The following EPHB1 variants were observed in gnomAD, a reference collection of about 807,000 sequenced individuals.
The protein encoded by EPHB1 is EPH receptor B1.
In EPHB1, 30 loss-of-function variants were observed where a neutral mutation model predicts 94.4. The ratio of observed to expected loss-of-function variants is 0.32; its 90% CI spans 0.24 to 0.43. The LOEUF is 0.43. Ranked by LOEUF, EPHB1 falls within the 20% of genes least tolerant of loss-of-function variation. EPHB1 has a pLI of 1.00. For synonymous variants in EPHB1, 522 were observed against 489.1 expected, an observed-to-expected ratio of 1.07 and a Z score of -0.89; for missense variants, 1,055 against 1,308.3, an observed-to-expected ratio of 0.81 and a Z score of 2.99.
chr3:134,804,651 T>C (rs2036002627), intron 1 of EPHB1, among the ~76,000 whole-genome samples: 1 of 152,188 alleles, frequency 6.6e-6, no homozygotes, highest in African/African-American at 2.4e-5. Flanking sequence ...CTTTTTGTCT[T>C]TGGGCACTTC....
At chr3:135,052,459 G>A (rs544945668) in intron 3 of EPHB1, among the ~76,000 whole-genome samples, 3 of 152,166 alleles carry the variant, frequency 2.0e-5, no homozygotes, top group Admixed American at 2.0e-4. Flanking sequence ...TGTGGAAGAG[G>A]GAAGCTGCTT....
At chr3:135,076,479 C>T (rs1341415992) in intron 3 of EPHB1, among the ~76,000 whole-genome samples, 2 of 152,064 alleles carry the variant, frequency 1.3e-5, no homozygotes, top group African/African-American at 4.8e-5. Flanking sequence ...AAATGGAAGT[C>T]TTATACAATA....
Position 135,061,693 on chromosome 3 carries a change from C to A in EPHB1, c.806-44755C>A, listed in dbSNP as rs185474109. ...ACATGTTCCATGTGGGTGTGCTGCA[C>A]CCATTAACTTGTCATTTAACATTAG... is the stretch of plus-strand genomic sequence containing the variant. On this transcript the variant is annotated intron_variant, in intron 3 of 15. Coordinates refer to ENST00000398015, the MANE Select transcript of EPHB1 (RefSeq NM_004441.5). Among the ~76,000 whole-genome samples the A allele has an allele frequency of 8.6e-5, 13 of 152,028 alleles. No homozygotes were observed. In the East Asian group the frequency reaches 2.5e-3, roughly 29 times the overall value.
At chr3:134,932,784 G>A (rs2038930452) in intron 2 of EPHB1, among the ~76,000 whole-genome samples, 1 of 152,190 alleles carries the variant, frequency 6.6e-6, no homozygotes, top group Non-Finnish European at 1.5e-5. Context: ...AAAAGCCTGA[G>A]CTAGATTAGA....
At chr3:135,149,747 G>T (rs1941133444) in intron 5 of EPHB1, among the ~76,000 whole-genome samples, 1 of 152,196 alleles carries the variant, frequency 6.6e-6, no homozygotes. Context: ...AGAATGACCT[G>T]TGTGAGAATA....
chr3:135,173,904 A>G (rs1298619447), intron 9 of EPHB1, among the ~76,000 whole-genome samples: 1 of 152,204 alleles, frequency 6.6e-6, no homozygotes, highest in Non-Finnish European at 1.5e-5. Context: ...ATGTGATTCT[A>G]GAGGTCTTGG....
intron 1 of EPHB1, among the ~76,000 whole-genome samples, chr3:134,800,581 G>A (rs565879531): frequency 6.6e-6 from 1 of 152,280 alleles, no homozygotes; most frequent in Non-Finnish European, 1.5e-5. Flanking sequence ...TTTTAAGTGG[G>A]CTTTCCTGGA....
At chr3:134,977,237 T>C (rs1934226074) in intron 3 of EPHB1, among the ~76,000 whole-genome samples, 1 of 152,166 alleles carries the variant, frequency 6.6e-6, no homozygotes, top group Admixed American at 6.5e-5. Context: ...GCCTGGGATG[T>C]GAAGGAGAAT....
chr3:135,242,081 C>T (rs566961804), intron 13 of EPHB1, among the ~76,000 whole-genome samples: 3 of 152,256 alleles, frequency 2.0e-5, no homozygotes, highest in East Asian at 1.9e-4. Flanking sequence ...AAGCCTTTTT[C>T]GGATGATTTG....
intron 13 of EPHB1, among the ~76,000 whole-genome samples, chr3:135,246,738 C>A (rs931418691): frequency 6.6e-6 from 1 of 152,100 alleles, no homozygotes; most frequent in Non-Finnish European, 1.5e-5. Context: ...ATTGTCAGTG[C>A]AACACAGTGT....
chr3:134,886,351 T>A lies in EPHB1; in HGVS notation c.59-39465T>A, dbSNP rs554396224. On this transcript the variant is annotated intron_variant, in intron 1 of 15. Transcript: ENST00000398015. ...CTCTACGTGCTTGACAGGAAGTAACTGATTTCTTCTTACAACAAACCCAGA... is the reference window on the plus strand; with the variant it reads ...CTCTACGTGCTTGACAGGAAGTAACAGATTTCTTCTTACAACAAACCCAGA... Among the ~76,000 whole-genome samples, 14 of 152,360 alleles carry A rather than the reference T, an allele frequency of 9.2e-5. 1 individual carries two copies. Among genetic ancestry groups the A allele is most frequent in the African/African-American group, 3.1e-4 (13 of 41,584 alleles).
intron 1 of EPHB1, among the ~76,000 whole-genome samples, chr3:134,879,691 A>C (rs1342861921): frequency 6.6e-6 from 1 of 152,010 alleles, no homozygotes; most frequent in Non-Finnish European, 1.5e-5. Flanking sequence ...CAATGGAGGA[A>C]ATTGGTCCTG....
At chr3:134,882,469 T>C (rs978124208) in intron 1 of EPHB1, among the ~76,000 whole-genome samples, 7 of 152,194 alleles carry the variant, frequency 4.6e-5, no homozygotes, top group African/African-American at 1.4e-4. Context: ...GAATGATTCA[T>C]TGTATATAAA....
chr3:134,942,812 T>C (rs1488722999), intron 2 of EPHB1, among the ~76,000 whole-genome samples: 1 of 152,186 alleles, frequency 6.6e-6, no homozygotes, highest in African/African-American at 2.4e-5. Context: ...ATGCATGGAA[T>C]TATTTTTCTT....
chr3:135,116,515 A>G (rs1237690122), intron 4 of EPHB1, among the ~76,000 whole-genome samples: 2 of 152,086 alleles, frequency 1.3e-5, no homozygotes, highest in African/African-American at 4.8e-5. Flanking sequence ...TCACAGTGGG[A>G]TCTGAGCTGT....
At chr3:135,238,052 T>C (rs1159344954) in intron 12 of EPHB1, among the ~76,000 whole-genome samples, 2 of 152,248 alleles carry the variant, frequency 1.3e-5, no homozygotes, top group African/African-American at 4.8e-5. Context: ...TTGATGATAT[T>C]AATTATGTCA....
chr3:135,133,624 T>C (rs1279240452), intron 5 of EPHB1, among the ~76,000 whole-genome samples: 3 of 152,212 alleles, frequency 2.0e-5, no homozygotes, highest in Non-Finnish European at 4.4e-5. Flanking sequence ...AAGTGTATTC[T>C]CCTTTATAGC....
intron 1 of EPHB1, among the ~76,000 whole-genome samples, chr3:134,850,419 G>T (rs1310427794): frequency 6.6e-6 from 1 of 152,176 alleles, no homozygotes; most frequent in African/African-American, 2.4e-5. Flanking sequence ...CTGACCTCTG[G>T]CTGGGTGAGA....
intron 1 of EPHB1, among the ~76,000 whole-genome samples, chr3:134,804,505 G>C (rs1187106901): frequency 6.6e-6 from 1 of 152,136 alleles, no homozygotes; most frequent in Non-Finnish European, 1.5e-5. Context: ...GATAAGCTGT[G>C]TTGCTTAGAT....
Sources: allele counts gnomAD v4.1 joint callset (sites outside exome capture counted in the v4.1 genomes callset), GRCh38; gene constraint gnomAD v4.1.1; transcripts MANE v1.5; gene names NCBI Gene and HGNC (gene_info 2026-07-23, HGNC 2026-07-21).